Variants in BPTF observed in about 807,000 individuals in gnomAD.
BPTF encodes nucleosome-remodeling factor subunit BPTF.
BPTF carries 18 observed loss-of-function variants against 292.5 expected under a neutral mutation model. That is an observed-to-expected ratio of 0.06 (90% CI 0.04 to 0.09). The LOEUF is 0.09. BPTF is among the 10% of genes least tolerant of loss of function. The pLI, the probability that BPTF is intolerant of heterozygous loss-of-function variation, is 1.00. For synonymous variants in BPTF, 1,225 were observed against 1,251.9 expected, an observed-to-expected ratio of 0.98 and a Z score of 0.45; for missense variants, 2,726 against 3,498.7, an observed-to-expected ratio of 0.78 and a Z score of 5.57.
intron 4 of BPTF, among the ~76,000 whole-genome samples, chr17:67,878,154 C>G (rs928008399): frequency 3.9e-5 from 6 of 152,280 alleles, no homozygotes; most frequent in East Asian, 1.9e-4. Context: ...AGTATATACT[C>G]TTTGATGCCT....
At chr17:67,916,017 T>C (rs1368614654) in intron 11 of BPTF, among the ~76,000 whole-genome samples, 1 of 152,156 alleles carries the variant, frequency 6.6e-6, no homozygotes, top group African/African-American at 2.4e-5. Context: ...AATAAATATT[T>C]ATTTGCTTTC....
At chr17:67,874,709 AT>A (rs1224784212) in intron 3 of BPTF, 107 bp from the exon 4 acceptor site, 6 of 696,098 alleles carry the variant, frequency 8.6e-6, no homozygotes, top group Non-Finnish European at 1.4e-5. Context: ...AAAATACTTA[AT>A]TTTTCCTCTT....
intron 4 of BPTF, among the ~76,000 whole-genome samples, chr17:67,879,448 T>C (rs529971140): frequency 6.6e-6 from 1 of 152,246 alleles, no homozygotes; most frequent in African/African-American, 2.4e-5. Flanking sequence ...CTAGGGCTGG[T>C]GTTATTTCTT....
At chr17:67,885,330 C>T (rs2060680183) in intron 4 of BPTF, among the ~76,000 whole-genome samples, 1 of 152,176 alleles carries the variant, frequency 6.6e-6, no homozygotes. Context: ...CGCCTGTAAT[C>T]CCAGCCACTT....
Position 67,918,727 on chromosome 17 carries a change from A to T in BPTF, c.5317A>T (p.Thr1773Ser). The T allele has an allele frequency of 1.2e-6, 2 of 1,613,346 alleles. No homozygotes were observed. Among genetic ancestry groups the T allele is most frequent in the Non-Finnish European group, 1.7e-6 (2 of 1,179,456 alleles). ...FGITWRYRLQ[T>S]VKSLAGVSLM... ...TTTTCCTTTCAGGTATAGACTTCAG[A>T]CAGTAAAGTCCTTAGCTGGAGTGAG... is the stretch of plus-strand genomic sequence containing the variant. The change falls in exon 12 of 28, where the codon ACA becomes TCA. Residue 1773 changes from threonine (T) to serine (S), a missense_variant. Thr to Ser is a moderately conservative substitution (Grantham distance 58, BLOSUM62 1). Around this residue, in one of 22 missense-constraint regions of BPTF, gnomAD observed 36 missense variants for 34.7 expected, o/e 1.04. Transcript: ENST00000306378.
chr17:67,853,888 T>C lies in BPTF; in HGVS notation c.614-52T>C, dbSNP rs981677727. On this transcript the variant is annotated intron_variant, in intron 1 of 27. Coordinates refer to ENST00000306378, the MANE Select transcript of BPTF (RefSeq NM_182641.4). ...GGTATATGTTCAAATAGGAAATTTG[T>C]AGAAATGATGTAATGTATTGATTTG... The C allele has an allele frequency of 6.4e-6, 9 of 1,415,432 alleles. No homozygotes were observed. The African/African-American group carries it at 1.1e-4, about 18-fold the overall frequency. The allele number at this position is 1,415,432 out of a possible 1,614,324, so 87.7% of individuals were successfully genotyped here.
At chr17:67,947,845 C>G in intron 22 of BPTF, 37 bp downstream of exon 22, 1 of 1,530,128 alleles carries the variant, frequency 6.5e-7, no homozygotes, top group Non-Finnish European at 8.8e-7. Context: ...CTGTCCGTCT[C>G]TTCTCTTTAT....
intron 4 of BPTF, among the ~76,000 whole-genome samples, chr17:67,877,270 T>G (rs1364156245): frequency 6.6e-6 from 1 of 152,232 alleles, no homozygotes; most frequent in Non-Finnish European, 1.5e-5. Context: ...GACCTTCACC[T>G]GCTTCCTTCT....
In BPTF at chr17:67,826,287, A is replaced by T. The variant is rs200097392; in HGVS notation, c.563A>T (p.Tyr188Phe). The change falls in exon 1 of 28, where the codon TAC becomes TTC. Residue 188 changes from tyrosine (Y) to phenylalanine (F), a missense_variant. Physicochemically the swap from Tyr to Phe is conservative, Grantham distance 22. Around this residue, in one of 22 missense-constraint regions of BPTF, gnomAD observed 153 missense variants for 178.3 expected, o/e 0.86. Transcript: ENST00000306378. ...GAAGACGACGACGACGACGCCAGTTACTGCACGGAAAGCAGCTTCAGGAGC... is the reference window on the plus strand; with the variant it reads ...GAAGACGACGACGACGACGCCAGTTTCTGCACGGAAAGCAGCTTCAGGAGC... ...EMEDDDDDAS[Y>F]CTESSFRSHS... is the part of the protein sequence containing the mutation. The T allele has an allele frequency of 6.2e-7, 1 of 1,613,088 alleles. No homozygotes were observed. Among genetic ancestry groups the T allele is most frequent in the Admixed American group, 1.7e-5 (1 of 59,988 alleles).
chr17:67,960,585 C>T (rs1239376748), intron 24 of BPTF, among the ~76,000 whole-genome samples: 3 of 152,164 alleles, frequency 2.0e-5, no homozygotes, highest in African/African-American at 7.2e-5. Flanking sequence ...TCATTACTAT[C>T]ATTTTACAAA....
At chr17:67,902,987 A>G (rs1356135712) in intron 7 of BPTF, among the ~76,000 whole-genome samples, 1 of 152,204 alleles carries the variant, frequency 6.6e-6, no homozygotes, top group Non-Finnish European at 1.5e-5. Context: ...CTAATCCCCT[A>G]AATGTAGAGC....
intron 11 of BPTF, among the ~76,000 whole-genome samples, chr17:67,917,195 C>T (rs574333058): frequency 1.1e-4 from 16 of 140,134 alleles, no homozygotes; most frequent in African/African-American, 4.3e-4. Context: ...TGCAGTGGAG[C>T]GATCTCGGCT....
chr17:67,848,420 G>A (rs567467561), intron 1 of BPTF, among the ~76,000 whole-genome samples: 41 of 152,234 alleles, frequency 2.7e-4, no homozygotes, highest in African/African-American at 7.9e-4. Flanking sequence ...ATATAATTGT[G>A]CTCACGCTGT....
At chr17:67,846,472 CCACGAGA>C (rs1268234022) in intron 1 of BPTF, among the ~76,000 whole-genome samples, 1 of 152,302 alleles carries the variant, frequency 6.6e-6, no homozygotes, top group African/African-American at 2.4e-5. Flanking sequence ...TGTATGGTAG[CCACGAGA>C]CACATGGCTA....
chr17:67,948,003 A>G (rs782484396), intron 22 of BPTF, 78 bp from the exon 23 acceptor site: 60 of 1,420,390 alleles, frequency 4.2e-5, no homozygotes, highest in Non-Finnish European at 5.3e-5. Context: ...TCTCATCTGT[A>G]GAGGCATAGA....
chr17:67,968,831 A>G (rs1018713215), intron 26 of BPTF, among the ~76,000 whole-genome samples: 1 of 151,002 alleles, frequency 6.6e-6, no homozygotes, highest in Non-Finnish European at 1.5e-5. Flanking sequence ...TACTATACAA[A>G]ATTAGCCCGG....
At chr17:67,940,133 A>C (rs1368362327) in intron 18 of BPTF, among the ~76,000 whole-genome samples, 1 of 152,216 alleles carries the variant, frequency 6.6e-6, no homozygotes, top group African/African-American at 2.4e-5. Context: ...CATATTTTAC[A>C]CATTCTTTTT....
At chr17:67,903,658 G>T (rs558586724) in intron 7 of BPTF, 131 bp from the exon 8 acceptor site, 3 of 756,322 alleles carry the variant, frequency 4.0e-6, no homozygotes, top group Non-Finnish European at 5.8e-6. Context: ...ACTAAGTTTT[G>T]TCAGTTGGGG....
At chr17:67,921,594 T>C (rs1490827797) in intron 13 of BPTF, among the ~76,000 whole-genome samples, 2 of 152,184 alleles carry the variant, frequency 1.3e-5, no homozygotes, top group African/African-American at 2.4e-5. Flanking sequence ...AGTGTTTTTA[T>C]AAAAGTTAGT....
Sources: allele counts gnomAD v4.1 joint callset (sites outside exome capture counted in the v4.1 genomes callset), GRCh38; gene constraint gnomAD v4.1.1; regional missense constraint gnomAD v4.1.1; transcripts MANE v1.5; gene names NCBI Gene and HGNC (gene_info 2026-07-23, HGNC 2026-07-21).